The following PCMTD2 variants were observed in gnomAD, a reference collection of about 807,000 sequenced individuals.
The protein encoded by PCMTD2 is protein-L-isoaspartate O-methyltransferase domain-containing protein 2.
In PCMTD2, 16 loss-of-function variants were observed where a neutral mutation model predicts 33.4. The ratio of observed to expected loss-of-function variants is 0.48; its 90% CI spans 0.32 to 0.73. The LOEUF (loss-of-function observed/expected upper bound fraction) is 0.73. Ranked by LOEUF, PCMTD2 falls within the 30% of genes least tolerant of loss-of-function variation. PCMTD2 has a pLI of 0.03. For missense variants in PCMTD2, 374 were observed against 449.9 expected (o/e 0.83, Z 1.53); for synonymous variants, 161 against 160.8 (o/e 1.00, Z -0.01).
At chr20:64,259,812 G>A (rs1390239203) in intron 1 of PCMTD2, 130 bp from the exon 2 acceptor site, 10 of 582,626 alleles carry the variant, frequency 1.7e-5, no homozygotes, top group Non-Finnish European at 3.0e-5. Context: ...AGGGGATGAG[G>A]TGGGTGTTGA....
chr20:64,260,308 C>T lies in PCMTD2; in HGVS notation c.307+36C>T, dbSNP rs1985353833. 4.1e-6 allele frequency: 6 copies of T among 1,457,986 alleles called. No individual in the cohort carries two copies. The Admixed American group carries it at 8.7e-5, about 21-fold the overall frequency. 90.3% of individuals were successfully genotyped at this position (1,457,986 alleles called of 1,614,324 possible). A position where few individuals can be genotyped will look rare whatever the true frequency, so the allele number is the denominator to read the frequency against. On this transcript the variant is annotated intron_variant, in intron 2 of 5. Transcript: ENST00000308824. ...AAGGAGAGTCTGAAAACTCATCTGT[C>T]TCAGGGAAGGAGGCATCTCCTTTGA...
intron 4 of PCMTD2, 93 bp downstream of exon 4, chr20:64,265,522 T>G: frequency 1.0e-6 from 1 of 1,002,872 alleles, no homozygotes; most frequent in South Asian, 1.9e-5. Context: ...AACAATTTCC[T>G]GCATTTCACA....
chr20:64,265,463 A>T, intron 4 of PCMTD2, 34 bp downstream of exon 4: 1 of 1,541,938 alleles, frequency 6.5e-7, no homozygotes, highest in Non-Finnish European at 8.9e-7. Context: ...ATTTCTGCAC[A>T]CTGTGTGCCA....
chr20:64,265,208 C>G, intron 3 of PCMTD2, 50 bp from the exon 4 acceptor site: 1 of 1,412,728 alleles, frequency 7.1e-7, no homozygotes, highest in Non-Finnish European at 9.8e-7. Flanking sequence ...ACTGTATAGA[C>G]TTGTTGCAAT....
In PCMTD2 at chr20:64,260,167, A is replaced by G; in HGVS notation, c.202A>G (p.Ile68Val). The G allele has an allele frequency of 1.2e-6, 2 of 1,613,386 alleles. No individual in the cohort carries two copies. Among genetic ancestry groups the G allele is most frequent in the Non-Finnish European group, 1.7e-6 (2 of 1,179,316 alleles). ...HGNIHLSAPC[I>V]YSEVMEALDL... ...AAACATTCACCTCTCAGCCCCGTGC[A>G]TCTACTCGGAGGTGATGGAAGCCCT... The change falls in exon 2 of 6, where the codon ATC becomes GTC. Residue 68 changes from isoleucine (I) to valine (V), a missense_variant. By Grantham distance (29) the Ile-to-Val change is conservative (BLOSUM62 3). Coordinates refer to ENST00000308824, the MANE Select transcript of PCMTD2 (RefSeq NM_018257.3).
chr20:64,270,932 G>A (rs112397895), intron 5 of PCMTD2, among the ~76,000 whole-genome samples: 10 of 756 alleles, frequency 0.013, no homozygotes, highest in African/African-American at 0.1. Flanking sequence ...GTTGTGATAC[G>A]TACAATGGTA....
intron 2 of PCMTD2, chr20:64,262,949 C>T (rs1190777177): frequency 6.6e-6 from 1 of 152,316 alleles, no homozygotes; most frequent in East Asian, 1.9e-4. Flanking sequence ...CACCCCCCGG[C>T]CACCCTGTGT....
intron 2 of PCMTD2, among the ~76,000 whole-genome samples, chr20:64,260,990 G>A (rs1478336273): frequency 2.0e-5 from 3 of 151,942 alleles, no homozygotes; most frequent in Non-Finnish European, 4.4e-5. Flanking sequence ...CACCATGCCT[G>A]GCCTACTTTT....
At position 64,259,975 on chromosome 20, in the gene PCMTD2, G is replaced by A; in HGVS notation, c.10G>A (p.Ala4Thr). MGGAVSAGEDNDEL... is the reference protein window; with the variant it reads MGGTVSAGEDNDEL... ...AAGTGTAATCTTGAACATGGGCGGT[G>A]CTGTGAGTGCTGGTGAAGACAATGA... The change falls in exon 2 of 6, where the codon GCT becomes ACT. Residue 4 changes from alanine to threonine, a missense_variant. Transcript: ENST00000308824. The A allele has an allele frequency of 6.2e-7, 1 of 1,608,640 alleles. No individual in the cohort carries two copies. The highest frequency in any genetic ancestry group is 8.5e-7 in the Non-Finnish European group (1 of 1,175,232).
intron 4 of PCMTD2, 85 bp downstream of exon 4, chr20:64,265,514 C>A (rs761351457): frequency 1.9e-6 from 2 of 1,039,570 alleles, no homozygotes; most frequent in African/African-American, 1.6e-5. Flanking sequence ...ACTCTTTTAA[C>A]AATTTCCTGC....
At position 64,273,702 on chromosome 20, in the gene PCMTD2, G is replaced by C; in HGVS notation, c.*102G>C. On this transcript the variant is annotated 3_prime_UTR_variant, in exon 6 of 6. Coordinates refer to ENST00000308824, the MANE Select transcript of PCMTD2 (RefSeq NM_018257.3). ...GGGTCACCTGGAGGCAGACGTTGTG[G>C]GGAAGGGAACTGCTGGGCTCATCCA... is the stretch of plus-strand genomic sequence containing the variant. 1.0e-6 allele frequency: 1 copy of C among 1,004,954 alleles called. No individual in the cohort carries two copies. The highest frequency in any genetic ancestry group is 1.4e-6 in the Non-Finnish European group (1 of 693,358). 62.3% of individuals were successfully genotyped at this position (1,004,954 alleles called of 1,614,324 possible).
chr20:64,274,650 T>C lies in PCMTD2; in HGVS notation c.*1050T>C, dbSNP rs1373130583. ...TTTTATAATTCTGGAGAAAAAGATT[T>C]GTTAGTTTTGTAATTTTTTTGTAAG... On this transcript the variant is annotated 3_prime_UTR_variant, in exon 6 of 6. Coordinates refer to ENST00000308824, the MANE Select transcript of PCMTD2 (RefSeq NM_018257.3). 6.6e-6 allele frequency: 1 copy of C among 152,244 alleles called. No individual in the cohort carries two copies. Among genetic ancestry groups the C allele is most frequent in the African/African-American group, 2.4e-5 (1 of 41,464 alleles). 9.4% of individuals were successfully genotyped at this position (152,244 alleles called of 1,614,324 possible).
At chr20:64,273,185 A>G (rs1185258503) in intron 5 of PCMTD2, 36 bp from the exon 6 acceptor site, 2 of 1,578,244 alleles carry the variant, frequency 1.3e-6, no homozygotes, top group East Asian at 4.5e-5. Flanking sequence ...TGTCACTCCG[A>G]TGCATTTGAC....
chr20:64,267,217 A>G (rs1034932882), intron 4 of PCMTD2, among the ~76,000 whole-genome samples: 2 of 152,220 alleles, frequency 1.3e-5, no homozygotes, highest in African/African-American at 4.8e-5. Flanking sequence ...TGCTCGTAAT[A>G]CTTTAATTCA....
rs1986000087 is a variant in PCMTD2 at position 64,273,587 on chromosome 20, A to G, written c.1073A>G (p.Tyr358Cys). 1.2e-5 allele frequency: 18 copies of G among 1,518,916 alleles called. No homozygotes were observed. The highest frequency in any genetic ancestry group is 2.7e-5 in the South Asian group (2 of 73,954). The allele number at this position is 1,518,916 out of a possible 1,614,324, so 94.1% of individuals were successfully genotyped here. A position where few individuals can be genotyped will look rare whatever the true frequency, so the allele number is the denominator to read the frequency against. The stretch of plus-strand genomic sequence containing the variant: ...CCCCTGAAATACTACTTGCTTTATT[A>G]CAGAGAAAAATAAGTCTCCTGTTTG... ...PDPLKYYLLY[Y>C]REK Residue 358 changes from tyrosine (Y) to cysteine (C), a missense_variant, in exon 6 of 6, where the codon TAC (tyrosine) becomes TGC (cysteine). Tyr to Cys is a radical substitution (Grantham distance 194). Coordinates refer to ENST00000308824, the MANE Select transcript of PCMTD2 (RefSeq NM_018257.3).
chr20:64,275,084 T>C lies in PCMTD2; in HGVS notation c.*1484T>C, dbSNP rs1359188097. 3 of 152,218 alleles carry C rather than the reference T, an allele frequency of 2.0e-5. No individual in the cohort carries two copies. The highest frequency in any genetic ancestry group is 4.4e-5 in the Non-Finnish European group (3 of 68,034). The allele number at this position is 152,218 out of a possible 1,614,324, so 9.4% of individuals were successfully genotyped here. A position where few individuals can be genotyped will look rare whatever the true frequency, so the allele number is the denominator to read the frequency against. On this transcript the variant is annotated 3_prime_UTR_variant, in exon 6 of 6. Coordinates refer to ENST00000308824, the MANE Select transcript of PCMTD2 (RefSeq NM_018257.3). ...GTTATTTTGGATCTTTTCTGCTTTT[T>C]TTAAGTAACTGAGTCATTTTTACCA...
At chr20:64,260,497 C>G (rs549745092) in intron 2 of PCMTD2, among the ~76,000 whole-genome samples, 28 of 152,308 alleles carry the variant, frequency 1.8e-4, no homozygotes, top group African/African-American at 6.7e-4. Context: ...CTCCTGTTCT[C>G]TGTCCCCTCT....
chr20:64,265,279 C>G lies in PCMTD2; in HGVS notation c.432C>G (p.Ser144=). The stretch of plus-strand genomic sequence containing the variant: ...CCAGGTTTGACTTCTGTGAACCTTC[C>G]TTTGTTACTGGGAATTGCCTGGAGA... ...SFDKFDFCEP[S]FVTGNCLEIS... The change falls in exon 4 of 6, where the codon TCC becomes TCG. Residue 144 remains serine, a synonymous_variant. Transcript: ENST00000308824. The G allele has an allele frequency of 6.2e-7, 1 of 1,602,164 alleles. No homozygotes were observed. Among genetic ancestry groups the G allele is most frequent in the Non-Finnish European group, 8.5e-7 (1 of 1,176,190 alleles).
intron 4 of PCMTD2, among the ~76,000 whole-genome samples, chr20:64,267,102 A>G (rs1037038325): frequency 3.9e-5 from 6 of 152,256 alleles, no homozygotes; most frequent in South Asian, 2.1e-4. Flanking sequence ...TAATCATAGC[A>G]TGAAAGAACT....
Sources: allele counts gnomAD v4.1 joint callset (sites outside exome capture counted in the v4.1 genomes callset), GRCh38; gene constraint gnomAD v4.1.1; transcripts MANE v1.5; gene names NCBI Gene and HGNC (gene_info 2026-07-23, HGNC 2026-07-21).